The following CPAMD8 variants were observed in gnomAD, a reference collection of about 807,000 sequenced individuals.
The protein encoded by CPAMD8 is C3 and PZP like alpha-2-macroglobulin domain containing 8, also known as C3 and PZP-like alpha-2-macroglobulin domain-containing protein 8.
In CPAMD8, 146 loss-of-function variants were observed where a neutral mutation model predicts 224.7. The ratio of observed to expected loss-of-function variants is 0.65; its 90% CI spans 0.57 to 0.75. CPAMD8 has a LOEUF of 0.75. CPAMD8 is among the 30% of genes least tolerant of loss of function. The pLI, the probability that CPAMD8 is intolerant of heterozygous loss-of-function variation, is 0.00. For synonymous variants in CPAMD8, 966 were observed against 1,044.6 expected (o/e 0.92, Z 1.45); for missense variants, 2,301 against 2,537.5 (o/e 0.91, Z 2.00).
At chr19:17,007,882 A>G (rs1473836187) in intron 7 of CPAMD8, among the ~76,000 whole-genome samples, 1 of 152,242 alleles carries the variant, frequency 6.6e-6, no homozygotes, top group Non-Finnish European at 1.5e-5. Flanking sequence ...AGAAGCTGGG[A>G]GCAGGCCGGG....
At chr19:16,929,521 A>G (rs1164770157) in intron 23 of CPAMD8, among the ~76,000 whole-genome samples, 1 of 152,174 alleles carries the variant, frequency 6.6e-6, no homozygotes. Context: ...CCTGGGCAAC[A>G]TAGCAAGACT....
At chr19:16,909,744 C>CAA (rs35170485) in intron 29 of CPAMD8, among the ~76,000 whole-genome samples, 119 of 148,698 alleles carry the variant, frequency 8.0e-4, no homozygotes, top group African/African-American at 1.6e-3. Flanking sequence ...AACTTCGTCT[C>CAA]AAAAAAAAAA....
Position 16,902,717 on chromosome 19 carries a change from A to G in CPAMD8, c.4617T>C (p.Ala1539=), listed in dbSNP as rs758874653. Residue 1539 remains alanine (A), a synonymous_variant, in exon 35 of 42, where the codon GCT becomes GCC. Coordinates refer to ENST00000443236, the MANE Select transcript of CPAMD8 (RefSeq NM_015692.5). Reference sequence around the variant, plus strand: ...GATCGGCCGCTGGGTCATCATCGTCAGCTGGGGGCCAGTCTCCTCGGGAAC... The same window carrying G: ...GATCGGCCGCTGGGTCATCATCGTCGGCTGGGGGCCAGTCTCCTCGGGAAC... ...AEGSRGDWPP[A]DDDDPAADQH... is the part of the protein sequence containing the mutation. The G allele has an allele frequency of 8.1e-6, 13 of 1,605,064 alleles. No individual in the cohort carries two copies. Among genetic ancestry groups the G allele is most frequent in the Non-Finnish European group, 1.0e-5 (12 of 1,174,456 alleles).
chr19:16,959,545 C>CT lies in CPAMD8; in HGVS notation c.2214-1631dup, dbSNP rs1056827789. On this transcript the variant is annotated intron_variant, in intron 18 of 41. Transcript: ENST00000443236. Reference sequence around the variant, plus strand: ...TGCTTGTTGGCTGCACGTATATTTTCTTTTTTTTTTTTCGAGATGGAGTCT... The same window carrying CT: ...TGCTTGTTGGCTGCACGTATATTTTCTTTTTTTTTTTTTCGAGATGGAGTCT... Among the ~76,000 whole-genome samples the CT allele has an allele frequency of 9.3e-3, 1,297 of 139,526 alleles. 27 individuals carry two copies. The highest frequency in any genetic ancestry group is 0.029 in the African/African-American group (1,104 of 38,234). The allele number at this position is 139,526 out of a possible 152,430, so 91.5% of individuals were successfully genotyped here. A position where few individuals can be genotyped will look rare whatever the true frequency, so the allele number is the denominator to read the frequency against.
In CPAMD8 at chr19:16,897,707, G is replaced by A. The variant is rs2052078152; in HGVS notation, c.5049C>T (p.Ala1683=). The A allele has an allele frequency of 6.5e-7, 1 of 1,544,520 alleles. No individual in the cohort carries two copies. Among genetic ancestry groups the A allele is most frequent in the Non-Finnish European group, 8.7e-7 (1 of 1,144,174 alleles). Reference sequence around the variant, plus strand: ...CGCACTCACCCGGGCCCCGGGCAGGGGCGCGCTCCACTTCGTTGCACGCGG... The same window carrying A: ...CGCACTCACCCGGGCCCCGGGCAGGAGCGCGCTCCACTTCGTTGCACGCGG... ...AGPACNEVER[A]PARGPGWFPG... Residue 1683 remains alanine, a synonymous_variant, in exon 39 of 42, where the codon GCC becomes GCT. Transcript: ENST00000443236.
At chr19:16,894,200 G>GT (rs1242445373) in intron 41 of CPAMD8, 13 of 296,282 alleles carry the variant, frequency 4.4e-5, no homozygotes, top group African/African-American at 1.3e-4. Context: ...ACCTCCAGCT[G>GT]TCCCCCCTGC....
chr19:16,915,777 A>G (rs1212334019), intron 27 of CPAMD8, among the ~76,000 whole-genome samples: 1 of 152,124 alleles, frequency 6.6e-6, no homozygotes. Flanking sequence ...GGCTCTTTAT[A>G]TGAACCACAA....
intron 9 of CPAMD8, among the ~76,000 whole-genome samples, chr19:17,000,859 C>T (rs1283129133): frequency 6.6e-6 from 1 of 152,178 alleles, no homozygotes; most frequent in Non-Finnish European, 1.5e-5. Context: ...TGAGCCTAAG[C>T]GCCCTATTAA....
chr19:16,960,449 T>G (rs921757887), intron 18 of CPAMD8, among the ~76,000 whole-genome samples: 3 of 144,478 alleles, frequency 2.1e-5, no homozygotes, highest in Non-Finnish European at 4.6e-5. Context: ...CTATTATATA[T>G]TTGTAAAAAA....
rs10417590 is a variant in CPAMD8, at chr19:16,944,044, G to A, written c.2793+1505C>T. 6.6e-5 allele frequency among the ~76,000 whole-genome samples: 10 copies of A among 152,106 alleles called. No homozygotes were observed. In the East Asian group the frequency reaches 9.6e-4, roughly 15 times the overall value. The stretch of plus-strand genomic sequence containing the variant: ...AGGGGAGCAAGGCAGAGCGGTGTCC[G>A]TACTCCCTGCACCTGCCAAGCCATC... On this transcript the variant is annotated intron_variant, in intron 22 of 41. Transcript: ENST00000443236.
Position 17,011,658 on chromosome 19 carries a change from C to A in CPAMD8, c.367G>T (p.Val123Leu), listed in dbSNP as rs374384655. Residue 123 changes from valine (V) to leucine (L), a missense_variant, in exon 4 of 42, where the codon GTG (valine) becomes TTG (leucine). By Grantham distance (32) the Val-to-Leu change is conservative. Transcript: ENST00000443236. ...PLFHNQTSVT[V>L]DGRGASVFIQ... Reference sequence around the variant, plus strand: ...AATACAGAAGCGCCCCGGCCGTCCACGGTCACCGAGGTCTGGTTGTGAAAG... The same window carrying A: ...AATACAGAAGCGCCCCGGCCGTCCAAGGTCACCGAGGTCTGGTTGTGAAAG... 6 of 1,614,082 alleles carry A rather than the reference C, an allele frequency of 3.7e-6. No homozygotes were observed. The highest frequency in any genetic ancestry group is 1.3e-5 in the African/African-American group (1 of 75,036).
Position 16,970,951 on chromosome 19 carries a change from G to A in CPAMD8, c.2153C>T (p.Pro718Leu). The A allele has an allele frequency of 6.2e-7, 1 of 1,613,940 alleles. No individual in the cohort carries two copies. Among genetic ancestry groups the A allele is most frequent in the East Asian group, 2.2e-5 (1 of 44,860 alleles). The change falls in exon 18 of 42, where the codon CCC becomes CTC. Residue 718 changes from proline (P) to leucine (L), a missense_variant. By Grantham distance (98) the Pro-to-Leu change is moderately conservative (BLOSUM62 -3). Around this residue, in one of 4 missense-constraint regions of CPAMD8, gnomAD observed 1,709 missense variants for 1,753.2 expected, o/e 0.97. Coordinates refer to ENST00000443236, the MANE Select transcript of CPAMD8 (RefSeq NM_015692.5). Reference sequence around the variant, plus strand: ...GCTCCCTGTGTGGGGCTGGAAAGCGGGGACAGCCTCATCGGTGTAGAGGCC... The same window carrying A: ...GCTCCCTGTGTGGGGCTGGAAAGCGAGGACAGCCTCATCGGTGTAGAGGCC... ...DGGLYTDEAV[P>L]AFQPHTGSLV...
intron 23 of CPAMD8, among the ~76,000 whole-genome samples, chr19:16,935,916 A>G (rs147915214): frequency 3.3e-5 from 5 of 151,122 alleles, no homozygotes; most frequent in African/African-American, 1.2e-4. Context: ...CTTTGCCATC[A>G]TTTAGTGTTC....
intron 19 of CPAMD8, 144 bp downstream of exon 19, chr19:16,957,709 G>C: frequency 2.6e-6 from 2 of 764,508 alleles, no homozygotes; most frequent in Non-Finnish European, 4.4e-6. Flanking sequence ...ATGGCTTGAA[G>C]TTTTGTGTGT....
intron 10 of CPAMD8, among the ~76,000 whole-genome samples, chr19:16,999,042 A>G (rs2056225553): frequency 6.6e-6 from 1 of 152,240 alleles, no homozygotes; most frequent in African/African-American, 2.4e-5. Context: ...GTAGACAAAC[A>G]TCAAAAACAT....
intron 18 of CPAMD8, among the ~76,000 whole-genome samples, chr19:16,966,613 C>G (rs929168590): frequency 6.6e-6 from 1 of 151,996 alleles, no homozygotes; most frequent in Non-Finnish European, 1.5e-5. Context: ...CGCTAATATC[C>G]AAAATCTACA....
At chr19:16,932,425 A>C (rs906178536) in intron 23 of CPAMD8, among the ~76,000 whole-genome samples, 5 of 152,198 alleles carry the variant, frequency 3.3e-5, no homozygotes, top group African/African-American at 7.2e-5. Context: ...TGTCTCAAGA[A>C]ATAGTAATGG....
At chr19:16,926,944 C>A (rs892073136) in intron 25 of CPAMD8, among the ~76,000 whole-genome samples, 3 of 152,152 alleles carry the variant, frequency 2.0e-5, no homozygotes, top group Admixed American at 2.0e-4. Context: ...AGTCCCAGGG[C>A]CTCCACCCTC....
chr19:16,936,868 CTT>C (rs1397390484), intron 23 of CPAMD8, among the ~76,000 whole-genome samples: 1 of 152,156 alleles, frequency 6.6e-6, no homozygotes, highest in Non-Finnish European at 1.5e-5. Context: ...GAGAAAAAAA[CTT>C]TTAAAGTTTG....
Sources: allele counts gnomAD v4.1 joint callset (sites outside exome capture counted in the v4.1 genomes callset), GRCh38; gene constraint gnomAD v4.1.1; regional missense constraint gnomAD v4.1.1; transcripts MANE v1.5; gene names NCBI Gene and HGNC (gene_info 2026-07-23, HGNC 2026-07-21).